FER1L6: variants seen among roughly 807,000 people sequenced by gnomAD.
FER1L6 encodes the protein fer-1-like protein 6.
FER1L6 carries 177 observed loss-of-function variants against 219.2 expected under a neutral mutation model. That is an observed-to-expected ratio of 0.81 (90% CI 0.71 to 0.91). FER1L6 has a LOEUF of 0.91. Ranked by LOEUF, FER1L6 falls within the 40% of genes least tolerant of loss-of-function variation. The pLI is 0.00. For missense variants in FER1L6, 2,153 were observed against 2,259.9 expected, an observed-to-expected ratio of 0.95 and a Z score of 0.96; for synonymous variants, 768 against 824.3, an observed-to-expected ratio of 0.93 and a Z score of 1.17.
intron 1 of FER1L6, among the ~76,000 whole-genome samples, chr8:123,906,455 G>A (rs1443726746): frequency 3.3e-5 from 5 of 152,008 alleles, no homozygotes; most frequent in African/African-American, 1.2e-4. Flanking sequence ...CCCATGTTTA[G>A]TGTTTGACAA....
At chr8:123,971,052 G>A (rs989073851) in intron 6 of FER1L6, among the ~76,000 whole-genome samples, 17 of 152,194 alleles carry the variant, frequency 1.1e-4, no homozygotes, top group Admixed American at 9.8e-4. Context: ...TGGAGAATAA[G>A]GGAATGATTT....
At chr8:124,077,073 A>G (rs1821325680) in intron 32 of FER1L6, among the ~76,000 whole-genome samples, 1 of 152,070 alleles carries the variant, frequency 6.6e-6, no homozygotes, top group Non-Finnish European at 1.5e-5. Flanking sequence ...TCTGTCATTC[A>G]CTCTGGAATC....
chr8:124,110,644 T>A (rs986246907), intron 39 of FER1L6, among the ~76,000 whole-genome samples: 16 of 152,190 alleles, frequency 1.1e-4, no homozygotes, highest in Admixed American at 5.9e-4. Flanking sequence ...ATTTCCTCCT[T>A]TTATATAGCT....
At chr8:123,871,259 C>T (rs1816920066) in intron 1 of FER1L6, among the ~76,000 whole-genome samples, 1 of 152,122 alleles carries the variant, frequency 6.6e-6, no homozygotes, top group African/African-American at 2.4e-5. Context: ...GTGCTGCCAG[C>T]TGAAAGGGCC....
At chr8:123,870,584 G>A (rs1816908351) in intron 1 of FER1L6, among the ~76,000 whole-genome samples, 1 of 152,170 alleles carries the variant, frequency 6.6e-6, no homozygotes, top group African/African-American at 2.4e-5. Flanking sequence ...GATTCTATTT[G>A]TGTAACATTC....
intron 30 of FER1L6, 78 bp from the exon 31 acceptor site, chr8:124,071,428 C>T: frequency 6.4e-7 from 1 of 1,571,262 alleles, no homozygotes; most frequent in Non-Finnish European, 8.7e-7. Context: ...TGCCCATTTT[C>T]CCAGCACAGT....
intron 25 of FER1L6, among the ~76,000 whole-genome samples, chr8:124,062,341 G>T (rs1323995846): frequency 6.6e-6 from 1 of 152,142 alleles, no homozygotes; most frequent in Admixed American, 6.5e-5. Context: ...TGGATCTCAG[G>T]TGCACAAAGT....
intron 21 of FER1L6, 148 bp from the exon 22 acceptor site, chr8:124,049,459 G>A (rs1311578826): frequency 2.2e-6 from 2 of 904,210 alleles, no homozygotes; most frequent in African/African-American, 3.3e-5. Flanking sequence ...TACGGAAATG[G>A]GCAAGAGGAG....
chr8:124,016,509 T>TTC, intron 15 of FER1L6, among the ~76,000 whole-genome samples: 1 of 152,154 alleles, frequency 6.6e-6, no homozygotes, highest in East Asian at 1.9e-4. Flanking sequence ...TTCTTCTCAA[T>TTC]TCTCTCTCCA....
intron 1 of FER1L6, among the ~76,000 whole-genome samples, chr8:123,913,521 A>G (rs1586458971): frequency 6.6e-6 from 1 of 152,040 alleles, no homozygotes; most frequent in East Asian, 1.9e-4. Flanking sequence ...CTGTCAGGTC[A>G]CCTCTACTGT....
intron 29 of FER1L6, 125 bp downstream of exon 29, chr8:124,069,600 G>A: frequency 1.5e-6 from 1 of 648,524 alleles, no homozygotes; most frequent in South Asian, 2.2e-5. Flanking sequence ...TGTCACCGAT[G>A]TAGAGAAGTA....
chr8:123,963,045 C>T (rs1300332487), intron 2 of FER1L6, among the ~76,000 whole-genome samples: 2 of 152,212 alleles, frequency 1.3e-5, no homozygotes, highest in African/African-American at 4.8e-5. Context: ...TTCACAGTCC[C>T]ATCCACATAA....
At chr8:123,993,225 G>A (rs1047488874) in intron 12 of FER1L6, among the ~76,000 whole-genome samples, 2 of 151,888 alleles carry the variant, frequency 1.3e-5, no homozygotes, top group Non-Finnish European at 2.9e-5. Flanking sequence ...GGCGGATCAC[G>A]AGGTCAGGAG....
intron 1 of FER1L6, among the ~76,000 whole-genome samples, chr8:123,938,928 A>G (rs1371849956): frequency 5.9e-5 from 9 of 152,234 alleles, no homozygotes; most frequent in Non-Finnish European, 1.2e-4. Context: ...AAGCTTTAAT[A>G]TAATAGATAA....
chr8:124,066,011 T>A (rs1563777054), intron 26 of FER1L6, among the ~76,000 whole-genome samples: 1 of 152,228 alleles, frequency 6.6e-6, no homozygotes, highest in Non-Finnish European at 1.5e-5. Context: ...TTGAGGAAAC[T>A]GAGAATTACA....
intron 1 of FER1L6, among the ~76,000 whole-genome samples, chr8:123,932,616 C>T (rs187589893): frequency 3.9e-5 from 6 of 152,218 alleles, no homozygotes; most frequent in South Asian, 2.1e-4. Context: ...AATGCATTGG[C>T]GTAATGGTGG....
intron 1 of FER1L6, among the ~76,000 whole-genome samples, chr8:123,928,576 T>C (rs749473366): frequency 3.3e-5 from 5 of 152,226 alleles, no homozygotes; most frequent in Admixed American, 2.6e-4. Context: ...CCCAGGGCTA[T>C]CTGTGGTGAG....
At chr8:123,991,591 G>A (rs181278736) in intron 12 of FER1L6, among the ~76,000 whole-genome samples, 9 of 152,080 alleles carry the variant, frequency 5.9e-5, no homozygotes, top group Non-Finnish European at 1.0e-4. Flanking sequence ...TTATCAAGTC[G>A]AGGAGTCTTT....
intron 18 of FER1L6, among the ~76,000 whole-genome samples, chr8:124,025,236 T>C (rs1478818871): frequency 6.6e-6 from 1 of 152,146 alleles, no homozygotes; most frequent in African/African-American, 2.4e-5. Context: ...CATTTGTTTT[T>C]GGTGTCTTAG....
Sources: allele counts gnomAD v4.1 joint callset (sites outside exome capture counted in the v4.1 genomes callset), GRCh38; gene constraint gnomAD v4.1.1; transcripts MANE v1.5; gene names NCBI Gene and HGNC (gene_info 2026-07-23, HGNC 2026-07-21).